The following C4orf36 variants were observed in gnomAD, a reference collection of about 807,000 sequenced individuals.
The protein encoded by C4orf36 is chromosome 4 open reading frame 36.
A neutral mutation model predicts 12.2 loss-of-function variants in C4orf36; 11 were observed. The ratio of observed to expected loss-of-function variants is 0.90; its 90% CI spans 0.57 to 1.49. C4orf36 has a LOEUF of 1.49. C4orf36 is among the 40% of genes most tolerant of loss of function. The pLI, the probability that C4orf36 is intolerant of heterozygous loss-of-function variation, is 0.00. For missense variants in C4orf36, 137 were observed against 133.9 expected (o/e 1.02, Z -0.11); for synonymous variants, 54 against 51.3 (o/e 1.05, Z -0.22).
At chr4:86,905,925 T>C in the C4orf36 span, among the ~76,000 whole-genome samples, 1 of 152,124 alleles carries the variant, frequency 6.6e-6, no homozygotes, top group African/African-American at 2.4e-5. Context: ...TTCACCATAT[T>C]GGCCAGACTA....
chr4:86,905,033 C>T, the C4orf36 span, among the ~76,000 whole-genome samples: 5 of 151,316 alleles, frequency 3.3e-5, no homozygotes, highest in South Asian at 1.0e-3. Context: ...CCCAGGAGTT[C>T]GAGACCAGTC....
the C4orf36 span, among the ~76,000 whole-genome samples, chr4:86,929,736 A>T: frequency 1.3e-5 from 2 of 152,228 alleles, no homozygotes; most frequent in African/African-American, 4.8e-5. Flanking sequence ...AGTACCTGAC[A>T]GTAGCTATTT....
chr4:86,913,768 T>A, the C4orf36 span: 3 of 1,418,040 alleles, frequency 2.1e-6, no homozygotes, highest in Non-Finnish European at 3.0e-6. Flanking sequence ...AACTCTGACA[T>A]CAGCTGCCCA....
chr4:86,882,121 A>G (rs1578774360), intron 4 of C4orf36, among the ~76,000 whole-genome samples: 1 of 152,322 alleles, frequency 6.6e-6, no homozygotes, highest in Non-Finnish European at 1.5e-5. Flanking sequence ...GAATTTTGCA[A>G]TGTAATTTTA....
At chr4:86,895,570 CA>C (rs1345083990), upstream of C4orf36, among the ~76,000 whole-genome samples, 1 of 152,136 alleles carries the variant, frequency 6.6e-6, no homozygotes, top group Non-Finnish European at 1.5e-5. Flanking sequence ...ATTGTCAACA[CA>C]AAAAAATACA....
At chr4:86,880,949 C>A (rs1415871946) in intron 4 of C4orf36, among the ~76,000 whole-genome samples, 1 of 150,278 alleles carries the variant, frequency 6.7e-6, no homozygotes, top group Non-Finnish European at 1.5e-5. Context: ...AGGAAAATTG[C>A]ATGAACCCAG....
the C4orf36 span, among the ~76,000 whole-genome samples, chr4:86,917,604 GAGGA>G: frequency 6.0e-4 from 90 of 150,012 alleles, 1 homozygote; most frequent in African/African-American, 2.0e-3. Flanking sequence ...AAGAAGGAGG[GAGGA>G]AGGGAGGGAG....
chr4:86,920,680 G>A, the C4orf36 span, among the ~76,000 whole-genome samples: 6 of 152,110 alleles, frequency 3.9e-5, no homozygotes. Context: ...AGAGCAAAAG[G>A]GGAACAAATT....
chr4:86,904,743 ATAATTG>A, the C4orf36 span, among the ~76,000 whole-genome samples: 2 of 152,030 alleles, frequency 1.3e-5, no homozygotes, highest in South Asian at 4.1e-4. Flanking sequence ...AATAATAATA[ATAATTG>A]TAAGTTCAAT....
the C4orf36 span, among the ~76,000 whole-genome samples, chr4:86,916,348 G>T: frequency 8.4e-6 from 1 of 119,666 alleles, no homozygotes; most frequent in Non-Finnish European, 1.7e-5. Flanking sequence ...AGGACAAAAT[G>T]ACATACTATG....
chr4:86,931,469 C>G, the C4orf36 span, among the ~76,000 whole-genome samples: 3 of 151,958 alleles, frequency 2.0e-5, no homozygotes, highest in African/African-American at 7.3e-5. Flanking sequence ...CATGATCATA[C>G]CTCAACGCAT....
At chr4:86,890,480 AAATAATAAT>A (rs56235500) in intron 2 of C4orf36, among the ~76,000 whole-genome samples, 119,943 of 147,252 alleles carry the variant, frequency 0.81, 51,512 homozygotes, top group Non-Finnish European at 0.94. Flanking sequence ...AATGCAAATA[AAATAATAAT>A]AATAATAATA....
the C4orf36 span, among the ~76,000 whole-genome samples, chr4:86,927,804 A>T: frequency 6.6e-6 from 1 of 152,186 alleles, no homozygotes; most frequent in Non-Finnish European, 1.5e-5. Context: ...CATTTCAAAA[A>T]AAAAAAAAAA....
chr4:86,930,863 A>G, the C4orf36 span, among the ~76,000 whole-genome samples: 6 of 152,332 alleles, frequency 3.9e-5, no homozygotes, highest in South Asian at 8.3e-4. Context: ...TATTTTAATT[A>G]TAATAATTGT....
At chr4:86,914,499 C>A in the C4orf36 span, 1 of 515,376 alleles carries the variant, frequency 1.9e-6, no homozygotes, top group Non-Finnish European at 3.4e-6. Context: ...CTCTTGGGTA[C>A]CAGCAATTCT....
chr4:86,917,455 G>GAAAGAAAGA, the C4orf36 span, among the ~76,000 whole-genome samples: 18,193 of 95,184 alleles, frequency 0.19, 1,400 homozygotes, highest in East Asian at 0.34. Context: ...AAGAGAAAAA[G>GAAAGAAAGA]AAAGAAAGAA....
chr4:86,904,516 A>T, the C4orf36 span, among the ~76,000 whole-genome samples: 30 of 129,950 alleles, frequency 2.3e-4, no homozygotes, highest in East Asian at 7.3e-3. Flanking sequence ...TCGGAGGGGG[A>T]GGTTGCAGTG....
intron 4 of C4orf36, among the ~76,000 whole-genome samples, chr4:86,877,257 C>A (rs1195360039): frequency 6.6e-6 from 1 of 152,180 alleles, no homozygotes; most frequent in Non-Finnish European, 1.5e-5. Context: ...GTAAAATGGT[C>A]TTTTTCCACA....
chr4:86,888,422 T>C, intron 2 of C4orf36, 147 bp from the exon 3 acceptor site: 1 of 676,330 alleles, frequency 1.5e-6, no homozygotes, highest in Non-Finnish European at 2.5e-6. Flanking sequence ...TTTTCCAGAG[T>C]TGTAGTTCCA....
Sources: gnomAD v4.1 joint callset for allele counts (sites outside exome capture counted in the v4.1 genomes callset) on GRCh38, gnomAD v4.1.1 for gene constraint, MANE v1.5 for transcripts, NCBI Gene and HGNC (gene_info 2026-07-23, HGNC 2026-07-21) for gene names.